Variants in MEI4 observed in about 807,000 individuals in gnomAD.
MEI4 encodes the protein meiosis-specific protein MEI4.
Under a neutral mutation model 31.4 loss-of-function variants are expected in MEI4, and 27 were observed. The observed-to-expected ratio is 0.86, with a 90% CI of 0.63 to 1.19. The LOEUF (loss-of-function observed/expected upper bound fraction) is 1.19, where lower values mean the gene tolerates loss of function less well. Among genes scored for constraint, MEI4 ranks in the 50% most tolerant of loss-of-function variants. The probability of loss-of-function intolerance (pLI) is 0.00; values close to 1 mark genes in which losing one functional copy is unlikely to be tolerated. For synonymous variants in MEI4, 122 were observed against 145.4 expected, an observed-to-expected ratio of 0.84 and a Z score of 1.16; for missense variants, 329 against 398.9, an observed-to-expected ratio of 0.82 and a Z score of 1.49.
chr6:77,893,285 A>G (rs1171055845), intron 4 of MEI4, among the ~76,000 whole-genome samples: 1 of 152,190 alleles, frequency 6.6e-6, no homozygotes, highest in Non-Finnish European at 1.5e-5. Flanking sequence ...GTGTATTAAC[A>G]TATGCATCCT....
intron 2 of MEI4, among the ~76,000 whole-genome samples, chr6:77,730,180 T>C (rs1766938034): frequency 6.6e-6 from 1 of 151,982 alleles, no homozygotes; most frequent in Non-Finnish European, 1.5e-5. Flanking sequence ...GCGTGTACAG[T>C]GTATAGGGGG....
At chr6:77,859,640 TG>T (rs1239809259) in intron 4 of MEI4, among the ~76,000 whole-genome samples, 1 of 152,220 alleles carries the variant, frequency 6.6e-6, no homozygotes, top group Non-Finnish European at 1.5e-5. Flanking sequence ...TTTTTTCATA[TG>T]TTTTTTGGCC....
At chr6:77,733,323 C>G (rs147680144) in intron 2 of MEI4, among the ~76,000 whole-genome samples, 3,481 of 152,120 alleles carry the variant, frequency 0.023, 162 homozygotes, top group African/African-American at 0.079. Flanking sequence ...TTGGTCTATT[C>G]AGAGATTCAA....
intron 4 of MEI4, among the ~76,000 whole-genome samples, chr6:77,892,766 G>A (rs1398396636): frequency 4.6e-5 from 7 of 152,156 alleles, no homozygotes; most frequent in Non-Finnish European, 1.0e-4. Flanking sequence ...GATGATGTCA[G>A]TAGGAATTCA....
At chr6:77,851,996 GATT>G (rs1562012252) in intron 4 of MEI4, among the ~76,000 whole-genome samples, 16 of 152,076 alleles carry the variant, frequency 1.1e-4, no homozygotes, top group Non-Finnish European at 2.2e-4. Flanking sequence ...CCAAATTAGG[GATT>G]CAAATTTGTA....
intron 1 of MEI4, among the ~76,000 whole-genome samples, chr6:77,677,844 CAT>C (rs1386743709): frequency 6.6e-6 from 1 of 152,156 alleles, no homozygotes; most frequent in East Asian, 1.9e-4. Flanking sequence ...TAAATTGTCA[CAT>C]ATTCTACATG....
chr6:77,766,811 C>T (rs1386887246), intron 3 of MEI4, among the ~76,000 whole-genome samples: 2 of 152,104 alleles, frequency 1.3e-5, no homozygotes, highest in Admixed American at 6.5e-5. Flanking sequence ...ATTGTATTGA[C>T]CAGTAAAATA....
chr6:77,692,741 A>G (rs938310784), intron 2 of MEI4, among the ~76,000 whole-genome samples: 1 of 152,176 alleles, frequency 6.6e-6, no homozygotes, highest in African/African-American at 2.4e-5. Flanking sequence ...GATACTTTCA[A>G]TTCAGATGGT....
chr6:77,684,937 A>G (rs1013163838), intron 1 of MEI4, among the ~76,000 whole-genome samples: 1 of 152,148 alleles, frequency 6.6e-6, no homozygotes, highest in Non-Finnish European at 1.5e-5. Flanking sequence ...ACAGTTCTCC[A>G]TAGTGGTTGT....
intron 4 of MEI4, among the ~76,000 whole-genome samples, chr6:77,917,159 C>T (rs902947978): frequency 2.6e-5 from 4 of 152,008 alleles, no homozygotes; most frequent in Non-Finnish European, 4.4e-5. Flanking sequence ...TTTTCTTAAT[C>T]CAGTCTATCA....
chr6:77,727,299 A>G (rs1766851561), intron 2 of MEI4, among the ~76,000 whole-genome samples: 1 of 152,240 alleles, frequency 6.6e-6, no homozygotes, highest in Admixed American at 6.5e-5. Flanking sequence ...CTATATTATA[A>G]TCTTCAGCGC....
intron 4 of MEI4, among the ~76,000 whole-genome samples, chr6:77,850,696 T>A (rs1770596029): frequency 6.6e-6 from 1 of 152,140 alleles, no homozygotes; most frequent in African/African-American, 2.4e-5. Flanking sequence ...GAAGAAAACC[T>A]AGGCATTACC....
chr6:77,667,604 G>A lies in MEI4; in HGVS notation c.-15+14512G>A, dbSNP rs192936040. ...GTACTTGGCTCTGATGGGCTCACTC[G>A]CTCTCAGGGGAGAAAGACCCCCAAA... On this transcript the variant is annotated intron_variant, in intron 1 of 4. Coordinates refer to ENST00000684080, the MANE Select transcript of MEI4 (RefSeq NM_001322247.2). 1.3e-3 allele frequency among the ~76,000 whole-genome samples: 201 copies of A among 152,232 alleles called. 1 individual carries two copies. The highest frequency in any genetic ancestry group is 3.9e-3 in the African/African-American group (162 of 41,550).
intron 3 of MEI4, among the ~76,000 whole-genome samples, chr6:77,816,832 A>C (rs1279982924): frequency 2.0e-5 from 3 of 152,200 alleles, no homozygotes; most frequent in Non-Finnish European, 4.4e-5. Flanking sequence ...TAAAGAACAT[A>C]ATTCAGCTTT....
chr6:77,811,700 G>GGGAGGT (rs1769577463), intron 3 of MEI4, among the ~76,000 whole-genome samples: 1 of 151,672 alleles, frequency 6.6e-6, no homozygotes, highest in African/African-American at 2.4e-5. Flanking sequence ...GCTTGAACCT[G>GGGAGGT]GGAGGTGGAG....
rs1201206650 is a variant in MEI4, at chr6:77,690,242, C to T, written c.-14-416C>T. Among the ~76,000 whole-genome samples, 4 of 151,900 alleles carry T rather than the reference C, an allele frequency of 2.6e-5. No homozygotes were observed. The East Asian group carries it at 7.7e-4, about 29-fold the overall frequency. On this transcript the variant is annotated intron_variant, in intron 1 of 4. Coordinates refer to ENST00000684080, the MANE Select transcript of MEI4 (RefSeq NM_001322247.2). ...TTTATAAATAGATAATTTAATGGTTCTGGTTATTCAGTGGACTCATTTTCA... is the reference window on the plus strand; with the variant it reads ...TTTATAAATAGATAATTTAATGGTTTTGGTTATTCAGTGGACTCATTTTCA...
At chr6:77,752,054 T>C (rs1457725177) in intron 2 of MEI4, among the ~76,000 whole-genome samples, 1 of 152,110 alleles carries the variant, frequency 6.6e-6, no homozygotes, top group African/African-American at 2.4e-5. Flanking sequence ...AAAAGGCCTT[T>C]GACAAAATTC....
chr6:77,875,784 A>G (rs958329486), intron 4 of MEI4, among the ~76,000 whole-genome samples: 4 of 152,246 alleles, frequency 2.6e-5, no homozygotes, highest in Non-Finnish European at 5.9e-5. Context: ...TGCATATCAT[A>G]TAGCATGAGA....
chr6:77,883,934 T>A (rs1169985150), intron 4 of MEI4, among the ~76,000 whole-genome samples: 1 of 151,676 alleles, frequency 6.6e-6, no homozygotes, highest in African/African-American at 2.4e-5. Flanking sequence ...AGGGTTTTTT[T>A]TAAAAACCTC....
Sources: gnomAD v4.1 joint callset for allele counts (sites outside exome capture counted in the v4.1 genomes callset) on GRCh38, gnomAD v4.1.1 for gene constraint, MANE v1.5 for transcripts, NCBI Gene and HGNC (gene_info 2026-07-23, HGNC 2026-07-21) for gene names.